The following SPRED1 variants were observed in gnomAD, a reference collection of about 807,000 sequenced individuals.
The protein encoded by SPRED1 is sprouty-related, EVH1 domain-containing protein 1.
A neutral mutation model predicts 52.3 loss-of-function variants in SPRED1; 18 were observed. That is an observed-to-expected ratio of 0.34 (90% CI 0.24 to 0.51). SPRED1 has a LOEUF of 0.51. SPRED1 is among the 20% of genes least tolerant of loss of function. The probability of loss-of-function intolerance (pLI) is 0.97; values close to 1 mark genes in which losing one functional copy is unlikely to be tolerated. For missense variants in SPRED1, 485 were observed against 551.0 expected (o/e 0.88, Z 1.20); for synonymous variants, 155 against 179.7 (o/e 0.86, Z 1.10).
intron 1 of SPRED1, among the ~76,000 whole-genome samples, chr15:38,274,713 GT>G (rs1894511514): frequency 6.6e-6 from 1 of 152,152 alleles, no homozygotes; most frequent in Admixed American, 6.5e-5. Flanking sequence ...GTTGCATTAA[GT>G]TGTCATGTCT....
At chr15:38,320,721 A>C (rs1446454259) in intron 2 of SPRED1, among the ~76,000 whole-genome samples, 1 of 152,114 alleles carries the variant, frequency 6.6e-6, no homozygotes, top group Non-Finnish European at 1.5e-5. Flanking sequence ...AATTATTTTT[A>C]ATTCTTTTCC....
At chr15:38,334,564 A>G (rs1424151002) in intron 4 of SPRED1, among the ~76,000 whole-genome samples, 1 of 152,058 alleles carries the variant, frequency 6.6e-6, no homozygotes, top group South Asian at 2.1e-4. Flanking sequence ...ATATGAATCC[A>G]TCAATTCATC....
chr15:38,329,846 CAGTT>C (rs1895775172), intron 4 of SPRED1, among the ~76,000 whole-genome samples: 1 of 152,122 alleles, frequency 6.6e-6, no homozygotes, highest in African/African-American at 2.4e-5. Context: ...TTCTAAAATG[CAGTT>C]AGTTTAAAAT....
Position 38,351,195 on chromosome 15 carries a change from A to T in SPRED1, c.866A>T (p.Lys289Ile), listed in dbSNP as rs372665535. The T allele has an allele frequency of 1.9e-6, 3 of 1,614,150 alleles. No individual in the cohort carries two copies. The highest frequency in any genetic ancestry group is 2.5e-6 in the Non-Finnish European group (3 of 1,180,022). ...SIQFSKPDSK[K>I]SDYLYSCGDE... Reference sequence around the variant, plus strand: ...CAGTTTTCTAAACCAGACAGTAAAAAATCAGACTATCTGTACTCTTGTGGG... The same window carrying T: ...CAGTTTTCTAAACCAGACAGTAAAATATCAGACTATCTGTACTCTTGTGGG... The change falls in exon 7 of 7, where the codon AAA (lysine) becomes ATA (isoleucine). Residue 289 changes from lysine (K) to isoleucine (I), a missense_variant. This residue lies in a region of SPRED1 where 205 missense variants were observed against 245.2 expected (regional missense o/e 0.84). Coordinates refer to ENST00000299084, the MANE Select transcript of SPRED1 (RefSeq NM_152594.3).
intron 2 of SPRED1, among the ~76,000 whole-genome samples, chr15:38,319,505 G>A (rs921639450): frequency 9.2e-5 from 14 of 152,098 alleles, no homozygotes; most frequent in East Asian, 5.8e-4. Context: ...TCAGCCTCTC[G>A]AGTAGCTGAG....
intron 6 of SPRED1, 43 bp from the exon 7 acceptor site, chr15:38,350,971 C>G: frequency 1.3e-6 from 2 of 1,580,562 alleles, no homozygotes; most frequent in South Asian, 2.3e-5. Flanking sequence ...GTAAAATTAA[C>G]CATCATAGCC....
At chr15:38,275,686 C>T (rs865902767) in intron 1 of SPRED1, among the ~76,000 whole-genome samples, 5 of 152,192 alleles carry the variant, frequency 3.3e-5, no homozygotes, top group Admixed American at 2.0e-4. Flanking sequence ...TCAGTAGCGA[C>T]GGGGTTTCAC....
intron 1 of SPRED1, among the ~76,000 whole-genome samples, chr15:38,259,704 A>G (rs567649840): frequency 0.12 from 7,224 of 58,808 alleles, 210 homozygotes; most frequent in Non-Finnish European, 0.22. Flanking sequence ...GTTTTTTACT[A>G]GGTCACTTAT....
At chr15:38,348,416 C>CTGTGTGTGTGTGTGTG (rs3075338) in intron 5 of SPRED1, among the ~76,000 whole-genome samples, 14 of 148,656 alleles carry the variant, frequency 9.4e-5, no homozygotes, top group African/African-American at 3.4e-4. Flanking sequence ...TTTTAAAGAT[C>CTGTGTGTGTGTGTGTG]TGTGTGTGTG....
At chr15:38,317,830 C>T (rs1309134986) in intron 2 of SPRED1, among the ~76,000 whole-genome samples, 1 of 149,634 alleles carries the variant, frequency 6.7e-6, no homozygotes, top group East Asian at 1.9e-4. Context: ...CTTTCAACCC[C>T]ATTGATTTTT....
intron 1 of SPRED1, among the ~76,000 whole-genome samples, chr15:38,267,787 C>A (rs1894342133): frequency 6.6e-6 from 1 of 152,180 alleles, no homozygotes; most frequent in Non-Finnish European, 1.5e-5. Flanking sequence ...TCTTATGATT[C>A]CAAAGCCTAT....
At chr15:38,288,740 A>G (rs1363603976) in intron 1 of SPRED1, among the ~76,000 whole-genome samples, 1 of 152,090 alleles carries the variant, frequency 6.6e-6, no homozygotes, top group Admixed American at 6.6e-5. Flanking sequence ...ATAAGATTTC[A>G]TATTGCCAGG....
At chr15:38,305,755 T>C (rs1006030869) in intron 2 of SPRED1, among the ~76,000 whole-genome samples, 2 of 152,204 alleles carry the variant, frequency 1.3e-5, no homozygotes, top group African/African-American at 4.8e-5. Flanking sequence ...AAATCTTCAG[T>C]ATTCTTAAAG....
In SPRED1 at chr15:38,351,221, G is replaced by T; in HGVS notation, c.892G>T (p.Asp298Tyr). Residue 298 changes from aspartate (D) to tyrosine (Y), a missense_variant, in exon 7 of 7, where the codon GAT (aspartate) becomes TAT (tyrosine). Transcript: ENST00000299084. ...ATCAGACTATCTGTACTCTTGTGGGGATGAGACTAAGTTAAGTTCACCCAA... is the reference window on the plus strand; with the variant it reads ...ATCAGACTATCTGTACTCTTGTGGGTATGAGACTAAGTTAAGTTCACCCAA... ...KKSDYLYSCG[D>Y]ETKLSSPKDS... The T allele has an allele frequency of 6.2e-7, 1 of 1,614,138 alleles. No homozygotes were observed. The highest frequency in any genetic ancestry group is 8.5e-7 in the Non-Finnish European group (1 of 1,180,024).
intron 4 of SPRED1, among the ~76,000 whole-genome samples, chr15:38,331,444 TA>T (rs143926747): frequency 0.043 from 6,405 of 149,322 alleles, 445 homozygotes; most frequent in African/African-American, 0.15. Context: ...ATAACCCAGT[TA>T]AAAAAAAAAT....
At chr15:38,313,978 T>C (rs921105050) in intron 2 of SPRED1, among the ~76,000 whole-genome samples, 23 of 151,814 alleles carry the variant, frequency 1.5e-4, no homozygotes, top group Admixed American at 1.4e-3. Flanking sequence ...TCACTTGTCA[T>C]TTAGAAGCAG....
chr15:38,338,731 A>G (rs887248498), intron 4 of SPRED1, among the ~76,000 whole-genome samples: 1 of 152,154 alleles, frequency 6.6e-6, no homozygotes, highest in Admixed American at 6.6e-5. Flanking sequence ...ATTATTTTCT[A>G]ATTGAGAAAT....
intron 2 of SPRED1, among the ~76,000 whole-genome samples, chr15:38,314,779 T>C (rs1895440657): frequency 6.6e-6 from 1 of 151,938 alleles, no homozygotes; most frequent in Non-Finnish European, 1.5e-5. Context: ...ACAAAAATAA[T>C]GTGTGTTAAA....
intron 1 of SPRED1, among the ~76,000 whole-genome samples, chr15:38,278,771 GA>G (rs532436942): frequency 3.4e-5 from 4 of 117,466 alleles, no homozygotes; most frequent in East Asian, 5.0e-4. Flanking sequence ...GAATGACAAA[GA>G]AAAAAAAGTC....
Sources: allele counts gnomAD v4.1 joint callset (sites outside exome capture counted in the v4.1 genomes callset), GRCh38; gene constraint gnomAD v4.1.1; regional missense constraint gnomAD v4.1.1; transcripts MANE v1.5; gene names NCBI Gene and HGNC (gene_info 2026-07-23, HGNC 2026-07-21).